MGAM2: variants seen among roughly 807,000 people sequenced by gnomAD.
The protein encoded by MGAM2 is maltase-glucoamylase 2 (putative).
MGAM2 carries 98 observed loss-of-function variants against 96.1 expected under a neutral mutation model. The observed-to-expected ratio is 1.02, with a 90% CI of 0.87 to 1.21. The LOEUF is 1.21. Ranked by LOEUF, MGAM2 falls within the 50% of genes most tolerant of loss-of-function variation. MGAM2 has a pLI of 0.00. For synonymous variants in MGAM2, 749 were observed against 414.8 expected (o/e 1.81, Z -9.79); for missense variants, 2,055 against 1,182.4 (o/e 1.74, Z -10.82).
At chr7:142,115,519 G>A (rs918127380) in intron 1 of MGAM2, among the ~76,000 whole-genome samples, 1 of 152,222 alleles carries the variant, frequency 6.6e-6, no homozygotes, top group Non-Finnish European at 1.5e-5. Context: ...AAAGATAACA[G>A]CTGCCTTGAT....
At chr7:142,164,009 A>C (rs1373249730) in intron 23 of MGAM2, among the ~76,000 whole-genome samples, 4 of 152,176 alleles carry the variant, frequency 2.6e-5, no homozygotes, top group Non-Finnish European at 5.9e-5. Context: ...CCATTTAAAA[A>C]AATATAGTCT....
chr7:142,132,745 C>CATATAATATATAATATATAATTATATA (rs1335090087), intron 6 of MGAM2, among the ~76,000 whole-genome samples: 1 of 120,960 alleles, frequency 8.3e-6, no homozygotes, highest in Admixed American at 9.2e-5. Flanking sequence ...TATGTAATAA[C>CATATAATATATAATATATAATTATATA]ATATAATATA....
intron 32 of MGAM2, among the ~76,000 whole-genome samples, chr7:142,176,728 C>T (rs376186615): frequency 6.6e-6 from 1 of 152,050 alleles, no homozygotes; most frequent in Admixed American, 6.6e-5. Flanking sequence ...TTTTGAGGAA[C>T]ATTGCTATTA....
At chr7:142,126,339 T>G (rs989030307) in intron 3 of MGAM2, among the ~76,000 whole-genome samples, 12 of 152,070 alleles carry the variant, frequency 7.9e-5, no homozygotes, top group Non-Finnish European at 1.5e-4. Flanking sequence ...TTTATTTACT[T>G]GTTTATTTGG....
At chr7:142,195,345 C>CTTTTTTTTTTTTTT (rs1013124747) in intron 37 of MGAM2, among the ~76,000 whole-genome samples, 2 of 70,010 alleles carry the variant, frequency 2.9e-5, no homozygotes, top group African/African-American at 1.2e-4. Flanking sequence ...CCTTTTTACT[C>CTTTTTTTTTTTTTT]TTTTTTTTTT....
chr7:142,140,115 G>T (rs561879473), intron 10 of MGAM2, among the ~76,000 whole-genome samples: 2 of 152,226 alleles, frequency 1.3e-5, no homozygotes, highest in East Asian at 3.9e-4. Context: ...TGTCTTTGAG[G>T]AAGGTGGCAG....
At chr7:142,194,037 T>C (rs1198600430) in intron 37 of MGAM2, among the ~76,000 whole-genome samples, 1 of 63,076 alleles carries the variant, frequency 1.6e-5, no homozygotes, top group Non-Finnish European at 3.3e-5. Flanking sequence ...TTTCTTCTTC[T>C]TTTTTTTTTT....
At chr7:142,213,426 C>T (rs1471058421) in intron 46 of MGAM2, among the ~76,000 whole-genome samples, 2 of 151,884 alleles carry the variant, frequency 1.3e-5, no homozygotes, top group East Asian at 3.9e-4. Context: ...AGACCGCTAG[C>T]CAGACTAATA....
chr7:142,210,683 C>A (rs1188003756), intron 46 of MGAM2, among the ~76,000 whole-genome samples: 1 of 152,212 alleles, frequency 6.6e-6, no homozygotes, highest in African/African-American at 2.4e-5. Flanking sequence ...AAGGCAGCAG[C>A]CCCAGTTAGG....
At chr7:142,185,893 C>T in intron 34 of MGAM2, 96 bp from the exon 35 acceptor site, 2 of 619,088 alleles carry the variant, frequency 3.2e-6, no homozygotes, top group East Asian at 2.7e-5. Context: ...AGAGCAGAGA[C>T]TGATCTGGGC....
intron 3 of MGAM2, among the ~76,000 whole-genome samples, chr7:142,127,126 T>A (rs1794754251): frequency 1.3e-5 from 2 of 152,208 alleles, no homozygotes; most frequent in Admixed American, 1.3e-4. Flanking sequence ...TGTAGTTACT[T>A]GCTTCTTTAT....
At chr7:142,136,671 A>G (rs764666695) in intron 8 of MGAM2, 31 bp downstream of exon 8, 1 of 673,184 alleles carries the variant, frequency 1.5e-6, no homozygotes, top group South Asian at 1.6e-5. Context: ...TTCTGTAGGT[A>G]GGAATACGTT....
Position 142,151,147 on chromosome 7 carries a change from C to A in MGAM2, c.1635-2871C>A, listed in dbSNP as rs1399035031. Among the ~76,000 whole-genome samples, 4 of 152,106 alleles carry A rather than the reference C, an allele frequency of 2.6e-5. No homozygotes were observed. The East Asian group carries it at 7.7e-4, about 29-fold the overall frequency. On this transcript the variant is annotated intron_variant, in intron 15 of 47. Coordinates refer to ENST00000477922, the MANE Select transcript of MGAM2 (RefSeq NM_001293626.2). ...GTAAGCTTTTTGAGGGCAAAGTCAG[C>A]CCATATCCTTAGCCTTATCAATAGA...
In MGAM2 at chr7:142,187,746, T is replaced by C. The variant is rs1563283847; in HGVS notation, c.4123-4T>C. On this transcript the variant is annotated splice_polypyrimidine_tract_variant and splice_region_variant and intron_variant, in intron 35 of 47. Transcript: ENST00000477922. ...CGAGATCTTTTTTTGTTAACTCATT[T>C]CAGGATATGAATGAGCCATCAAATT... 1.4e-5 allele frequency: 10 copies of C among 702,460 alleles called. No individual in the cohort carries two copies. Among genetic ancestry groups the C allele is most frequent in the Non-Finnish European group, 2.3e-5 (9 of 384,706 alleles). 43.5% of individuals were successfully genotyped at this position (702,460 alleles called of 1,614,324 possible).
intron 45 of MGAM2, among the ~76,000 whole-genome samples, chr7:142,205,451 C>T (rs776181788): frequency 1.5e-4 from 23 of 149,402 alleles, no homozygotes; most frequent in Non-Finnish European, 2.4e-4. Context: ...GTTCTGATCT[C>T]TCTTCTTCCT....
chr7:142,136,929 T>C (rs1403219177), intron 8 of MGAM2, among the ~76,000 whole-genome samples: 1 of 152,182 alleles, frequency 6.6e-6, no homozygotes, highest in Non-Finnish European at 1.5e-5. Context: ...AAAATATCTG[T>C]AGATTTCAAC....
rs528327423 is a variant in MGAM2, at chr7:142,206,035, A to G, written c.5138-2538A>G. 5.3e-5 allele frequency among the ~76,000 whole-genome samples: 8 copies of G among 152,232 alleles called. No individual in the cohort carries two copies. The East Asian group carries it at 1.3e-3, about 26-fold the overall frequency. On this transcript the variant is annotated intron_variant, in intron 45 of 47. Transcript: ENST00000477922. Reference sequence around the variant, plus strand: ...TACAGTTGTCCCAGAATCATCTGTGAAAAGTCTATTATTTTTCTCATTGAA... The same window carrying G: ...TACAGTTGTCCCAGAATCATCTGTGGAAAGTCTATTATTTTTCTCATTGAA...
At chr7:142,215,012 T>C (rs1797711736) in intron 46 of MGAM2, among the ~76,000 whole-genome samples, 1 of 152,214 alleles carries the variant, frequency 6.6e-6, no homozygotes. Flanking sequence ...GTCTGTTTAC[T>C]GCAGCACTGT....
intron 45 of MGAM2, chr7:142,208,234 G>A (rs1215865688): frequency 2.1e-6 from 1 of 485,744 alleles, no homozygotes. Context: ...TAACACCACT[G>A]CTATGTGAAC....
Sources: gnomAD v4.1 joint callset for allele counts (sites outside exome capture counted in the v4.1 genomes callset) on GRCh38, gnomAD v4.1.1 for gene constraint, MANE v1.5 for transcripts, NCBI Gene and HGNC (gene_info 2026-07-23, HGNC 2026-07-21) for gene names.